RAB39A: variants seen among roughly 807,000 people sequenced by gnomAD.
The protein encoded by RAB39A is RAB39A, member RAS oncogene family, also known as ras-related protein Rab-39A.
RAB39A carries 17 observed loss-of-function variants against 20.9 expected under a neutral mutation model. The ratio of observed to expected loss-of-function variants is 0.81; its 90% confidence interval spans 0.56 to 1.22. RAB39A has a LOEUF of 1.22. Ranked by LOEUF, RAB39A falls within the 50% of genes most tolerant of loss-of-function variation. The pLI is 0.00. For missense variants in RAB39A, 234 were observed against 270.5 expected (o/e 0.87, Z 0.95); for synonymous variants, 99 against 103.4 (o/e 0.96, Z 0.26).
intron 1 of RAB39A, among the ~76,000 whole-genome samples, chr11:107,936,672 T>C (rs1861196949): frequency 6.6e-6 from 1 of 152,226 alleles, no homozygotes. Flanking sequence ...CTGTGGTTCA[T>C]GGCCTTCAAA....
intron 1 of RAB39A, among the ~76,000 whole-genome samples, chr11:107,940,259 TTTA>T (rs1022141792): frequency 4.6e-5 from 7 of 151,530 alleles, no homozygotes; most frequent in African/African-American, 1.5e-4. Context: ...TATTTTTATT[TTTA>T]TTATTATTAT....
chr11:107,956,910 AGGAGAGTATTAAT>A (rs1237121565), intron 1 of RAB39A, among the ~76,000 whole-genome samples: 1 of 152,228 alleles, frequency 6.6e-6, no homozygotes, highest in African/African-American at 2.4e-5. Context: ...AGGCAAAGGT[AGGAGAGTATTAAT>A]GGATAGAAAG....
intron 1 of RAB39A, among the ~76,000 whole-genome samples, chr11:107,933,751 T>A (rs1861164820): frequency 6.6e-6 from 1 of 150,850 alleles, no homozygotes; most frequent in African/African-American, 2.4e-5. Context: ...ACCTCTGCCT[T>A]CCAGGTCCAA....
chr11:107,961,936 C>T lies in RAB39A; in HGVS notation c.228-10C>T, dbSNP rs1217714145. 1.6e-5 allele frequency: 25 copies of T among 1,589,574 alleles called. No individual in the cohort carries two copies. The Admixed American group carries it at 2.1e-4, about 13-fold the overall frequency. On this transcript the variant is annotated splice_polypyrimidine_tract_variant and intron_variant, in intron 1 of 1. Transcript: ENST00000320578. The stretch of plus-strand genomic sequence containing the variant: ...GTCCTTATACAACCTTTTTTCTCTT[C>T]ATTTTTCAGATCAATAACCCGATCT...
chr11:107,943,808 C>T (rs1861282882), intron 1 of RAB39A, among the ~76,000 whole-genome samples: 1 of 151,754 alleles, frequency 6.6e-6, no homozygotes, highest in South Asian at 2.1e-4. Flanking sequence ...TAATAGTAGT[C>T]CAGAGGCTGG....
chr11:107,939,434 G>A (rs1477293050), intron 1 of RAB39A, among the ~76,000 whole-genome samples: 5 of 148,818 alleles, frequency 3.4e-5, no homozygotes, highest in East Asian at 3.9e-4. Flanking sequence ...GTGAAACCCC[G>A]TCTCTACTAA....
At chr11:107,938,043 A>G (rs879659440) in intron 1 of RAB39A, among the ~76,000 whole-genome samples, 10 of 151,986 alleles carry the variant, frequency 6.6e-5, no homozygotes, top group Non-Finnish European at 1.3e-4. Context: ...TGTCTATTTT[A>G]TGGTGTTTGA....
rs60670768 is a variant in RAB39A at position 107,933,313 on chromosome 11, A to ATGTG, written c.227+4552_227+4555dup. Among the ~76,000 whole-genome samples, 599 of 125,340 alleles carry ATGTG rather than the reference A, an allele frequency of 4.8e-3. 6 individuals are homozygous for ATGTG. Among genetic ancestry groups the ATGTG allele is most frequent in the African/African-American group, 0.017 (564 of 32,512 alleles). The allele number at this position is 125,340 out of a possible 152,430, so 82.2% of individuals were successfully genotyped here. A position where few individuals can be genotyped will look rare whatever the true frequency, so the allele number is the denominator to read the frequency against. On this transcript the variant is annotated intron_variant, in intron 1 of 1. Coordinates refer to ENST00000320578, the MANE Select transcript of RAB39A (RefSeq NM_017516.3). ...TTCCTGTGATTCTTTATATATATAT[A>ATGTG]TGTGTGTGTGTGTGTGTGTGTGTGT...
intron 1 of RAB39A, among the ~76,000 whole-genome samples, chr11:107,930,158 G>A (rs1861121535): frequency 1.3e-5 from 2 of 152,154 alleles, no homozygotes; most frequent in African/African-American, 4.8e-5. Context: ...AGATGGTAAG[G>A]CCAGCGCTTC....
Position 107,928,872 on chromosome 11 carries a change from C to T in RAB39A, c.227+77C>T. The T allele has an allele frequency of 4.0e-6, 5 of 1,240,558 alleles. No homozygotes were observed. The highest frequency in any genetic ancestry group is 3.2e-5 in the South Asian group (2 of 62,492). The allele number at this position is 1,240,558 out of a possible 1,614,324, so 76.8% of individuals were successfully genotyped here. A position where few individuals can be genotyped will look rare whatever the true frequency, so the allele number is the denominator to read the frequency against. ...ACGCCCCTTCCCCAGGCGTCCGCCC[C>T]GCCGGCCCTGGTCGGGAGAGGCTCT... On this transcript the variant is annotated intron_variant, in intron 1 of 1. Coordinates refer to ENST00000320578, the MANE Select transcript of RAB39A (RefSeq NM_017516.3). This position sits in a 1 kb window ranked among gnomAD's most constrained non-coding sequence, Gnocchi z 4.9.
At chr11:107,949,806 C>G (rs1246175737) in intron 1 of RAB39A, among the ~76,000 whole-genome samples, 1 of 152,176 alleles carries the variant, frequency 6.6e-6, no homozygotes, top group Admixed American at 6.5e-5. Flanking sequence ...ATAACTTGTT[C>G]TGCCTTCCAG....
intron 1 of RAB39A, among the ~76,000 whole-genome samples, chr11:107,940,292 T>C (rs2134957040): frequency 6.6e-6 from 1 of 151,962 alleles, no homozygotes; most frequent in East Asian, 1.9e-4. Context: ...TTTAGATGAG[T>C]CACATTCTGT....
chr11:107,931,037 C>T (rs1266062735), intron 1 of RAB39A, among the ~76,000 whole-genome samples: 3 of 147,368 alleles, frequency 2.0e-5, no homozygotes, highest in South Asian at 2.1e-4. Context: ...AGTGCAATGG[C>T]GCGATCTCTG....
intron 1 of RAB39A, among the ~76,000 whole-genome samples, chr11:107,936,419 T>A (rs1361299982): frequency 1.1e-5 from 1 of 92,380 alleles, no homozygotes; most frequent in Admixed American, 9.8e-5. Flanking sequence ...CACTGGCTTA[T>A]CTTCTCTTCT....
At chr11:107,958,767 A>C (rs1861465107) in intron 1 of RAB39A, among the ~76,000 whole-genome samples, 1 of 152,218 alleles carries the variant, frequency 6.6e-6, no homozygotes, top group South Asian at 2.1e-4. Context: ...AATTAAATAC[A>C]ATCAGTTAAT....
Position 107,955,188 on chromosome 11 carries a change from G to A in RAB39A, c.228-6758G>A, listed in dbSNP as rs531990720. On this transcript the variant is annotated intron_variant, in intron 1 of 1. Coordinates refer to ENST00000320578, the MANE Select transcript of RAB39A (RefSeq NM_017516.3). ...ATTTTTTTGTATTTTTAGTAGAGAC[G>A]GGGTTTCACCATGTTAGCCAGGATG... Among the ~76,000 whole-genome samples, 608 of 151,730 alleles carry A rather than the reference G, an allele frequency of 4.0e-3. 2 individuals are homozygous for A. Among genetic ancestry groups the A allele is most frequent in the Non-Finnish European group, 4.1e-3 (279 of 67,904 alleles).
intron 1 of RAB39A, among the ~76,000 whole-genome samples, chr11:107,940,275 T>C (rs909540422): frequency 1.4e-5 from 2 of 145,320 alleles, no homozygotes; most frequent in South Asian, 2.1e-4. Context: ...ATTATTATTA[T>C]TTTTTTTTTA....
intron 1 of RAB39A, among the ~76,000 whole-genome samples, chr11:107,951,227 G>A (rs1861375651): frequency 6.6e-6 from 1 of 152,234 alleles, no homozygotes; most frequent in African/African-American, 2.4e-5. Context: ...GGAGTAGGGA[G>A]GCTTGTGTTT....
intron 1 of RAB39A, among the ~76,000 whole-genome samples, chr11:107,934,461 T>A (rs1861172282): frequency 1.3e-5 from 2 of 152,048 alleles, no homozygotes; most frequent in Non-Finnish European, 2.9e-5. Context: ...AAATCTATGA[T>A]AACTGGTGCT....
Sources: allele counts gnomAD v4.1 joint callset (sites outside exome capture counted in the v4.1 genomes callset), GRCh38; gene constraint gnomAD v4.1.1; non-coding constraint Gnocchi (gnomAD v3.1); transcripts MANE v1.5; gene names NCBI Gene and HGNC (gene_info 2026-07-23, HGNC 2026-07-21).